Variants in DNAJC3 observed in about 807,000 individuals in gnomAD.
The protein encoded by DNAJC3 is dnaJ homolog subfamily C member 3.
Under a neutral mutation model 68.6 loss-of-function variants are expected in DNAJC3, and 38 were observed. The observed-to-expected ratio is 0.55, with a 90% CI of 0.43 to 0.73. The LOEUF is 0.73. Ranked by LOEUF, DNAJC3 falls within the 30% of genes least tolerant of loss-of-function variation. The pLI, the probability that DNAJC3 is intolerant of heterozygous loss-of-function variation, is 0.00. For missense variants in DNAJC3, 526 were observed against 591.9 expected, an observed-to-expected ratio of 0.89 and a Z score of 1.16; for synonymous variants, 203 against 204.0, an observed-to-expected ratio of 1.00 and a Z score of 0.04.
chr13:95,757,615 C>G (rs1177350790), intron 4 of DNAJC3, 29 bp from the exon 5 acceptor site: 2 of 1,521,092 alleles, frequency 1.3e-6, no homozygotes, highest in Non-Finnish European at 1.8e-6. Context: ...AGATTAAAAA[C>G]TCTGCTTAGT....
chr13:95,728,192 T>G (rs1881591751), intron 4 of DNAJC3, among the ~76,000 whole-genome samples: 1 of 152,158 alleles, frequency 6.6e-6, no homozygotes, highest in African/African-American at 2.4e-5. Flanking sequence ...TGTGTGAACG[T>G]GAATTTTTGT....
At chr13:95,737,223 CAGT>C (rs1189709494) in intron 4 of DNAJC3, among the ~76,000 whole-genome samples, 43 of 151,832 alleles carry the variant, frequency 2.8e-4, no homozygotes, top group Admixed American at 2.7e-3. Context: ...TTCGTTTTGC[CAGT>C]ATTTTATTGA....
intron 4 of DNAJC3, among the ~76,000 whole-genome samples, chr13:95,749,122 T>A (rs570206296): frequency 2.6e-5 from 4 of 152,350 alleles, no homozygotes; most frequent in African/African-American, 9.6e-5. Context: ...TATTTTTAAT[T>A]TATGCTTATG....
At chr13:95,743,006 A>T in intron 4 of DNAJC3, 1 of 394,560 alleles carries the variant, frequency 2.5e-6, no homozygotes, top group Non-Finnish European at 5.0e-6. Flanking sequence ...TAGGTATCAG[A>T]TTGCTTCAGC....
intron 1 of DNAJC3, among the ~76,000 whole-genome samples, chr13:95,700,614 A>G (rs1347462989): frequency 6.6e-6 from 1 of 152,182 alleles, no homozygotes; most frequent in African/African-American, 2.4e-5. Context: ...AATTCCAATC[A>G]GCTTTTTGCT....
chr13:95,707,347 A>G (rs956421486), intron 1 of DNAJC3, among the ~76,000 whole-genome samples: 20 of 152,072 alleles, frequency 1.3e-4, no homozygotes, highest in Non-Finnish European at 2.6e-4. Flanking sequence ...AAAAGAACCC[A>G]CCCCACATCA....
At chr13:95,723,162 TA>T in intron 2 of DNAJC3, 79 bp from the exon 3 acceptor site, 1 of 1,321,828 alleles carries the variant, frequency 7.6e-7, no homozygotes, top group Non-Finnish European at 1.0e-6. Flanking sequence ...CAAGTGCTGA[TA>T]CTGTCCAGGT....
intron 4 of DNAJC3, among the ~76,000 whole-genome samples, chr13:95,748,747 G>C (rs111762411): frequency 0.03 from 4,571 of 152,170 alleles, 240 homozygotes; most frequent in African/African-American, 0.11. Context: ...ACCTGGGAGG[G>C]AAAGGTTGCA....
At chr13:95,716,864 C>T (rs968568308) in intron 2 of DNAJC3, among the ~76,000 whole-genome samples, 2 of 152,160 alleles carry the variant, frequency 1.3e-5, no homozygotes, top group African/African-American at 4.8e-5. Context: ...AGAGTGATCT[C>T]GGAAAATGCA....
chr13:95,747,382 A>T (rs1458210077), intron 4 of DNAJC3, among the ~76,000 whole-genome samples: 1 of 152,122 alleles, frequency 6.6e-6, no homozygotes, highest in Non-Finnish European at 1.5e-5. Flanking sequence ...ACTTGCTTGA[A>T]ATCTGAATTT....
At chr13:95,783,577 T>C (rs1883512723) in intron 9 of DNAJC3, among the ~76,000 whole-genome samples, 2 of 152,216 alleles carry the variant, frequency 1.3e-5, no homozygotes, top group Admixed American at 1.3e-4. Flanking sequence ...TTTATGTCCC[T>C]GTGGGTTGGG....
chr13:95,773,823 A>G (rs145183027), intron 9 of DNAJC3, among the ~76,000 whole-genome samples: 2,181 of 136,638 alleles, frequency 0.016, 59 homozygotes, highest in African/African-American at 0.058. Flanking sequence ...TGCAACCTCT[A>G]CCTCCTGGGT....
chr13:95,730,467 T>C (rs1881676156), intron 4 of DNAJC3, among the ~76,000 whole-genome samples: 1 of 152,152 alleles, frequency 6.6e-6, no homozygotes, highest in African/African-American at 2.4e-5. Context: ...CTTTAAGGCG[T>C]TTGTGTTGAT....
chr13:95,757,471 A>G (rs1882696802), intron 4 of DNAJC3, among the ~76,000 whole-genome samples, 173 bp from the exon 5 acceptor site: 2 of 152,126 alleles, frequency 1.3e-5, no homozygotes, highest in Admixed American at 6.5e-5. Context: ...ATCGGTAGAA[A>G]TCAAGGGCCT....
At chr13:95,733,592 G>A (rs988531609) in intron 4 of DNAJC3, among the ~76,000 whole-genome samples, 1 of 151,658 alleles carries the variant, frequency 6.6e-6, no homozygotes, top group Non-Finnish European at 1.5e-5. Flanking sequence ...TAGAAACGGG[G>A]TTTTGCCATT....
At chr13:95,781,708 C>G (rs1003693046) in intron 9 of DNAJC3, among the ~76,000 whole-genome samples, 2 of 151,576 alleles carry the variant, frequency 1.3e-5, no homozygotes, top group African/African-American at 4.8e-5. Flanking sequence ...TTGGCTAATA[C>G]GCAACATGGT....
chr13:95,762,311 G>C (rs1882849723), intron 7 of DNAJC3, among the ~76,000 whole-genome samples: 1 of 152,028 alleles, frequency 6.6e-6, no homozygotes, highest in Non-Finnish European at 1.5e-5. Context: ...AGGTCCTCTG[G>C]CTAGACAGAG....
chr13:95,766,965 G>A (rs1409568753), intron 9 of DNAJC3, among the ~76,000 whole-genome samples: 1 of 152,092 alleles, frequency 6.6e-6, no homozygotes, highest in Non-Finnish European at 1.5e-5. Context: ...CTCCCAAAGT[G>A]CTGGTATTAC....
At chr13:95,722,550 A>G (rs1434297145) in intron 2 of DNAJC3, among the ~76,000 whole-genome samples, 9 of 151,432 alleles carry the variant, frequency 5.9e-5, no homozygotes, top group Admixed American at 5.3e-4. Context: ...AGGTAGGAGG[A>G]TTGCTGGAGC....
Sources: allele counts gnomAD v4.1 joint callset (sites outside exome capture counted in the v4.1 genomes callset), GRCh38; gene constraint gnomAD v4.1.1; transcripts MANE v1.5; gene names NCBI Gene and HGNC (gene_info 2026-07-23, HGNC 2026-07-21).